The following ACBD6 variants were observed in gnomAD, a reference collection of about 807,000 sequenced individuals.
The protein encoded by ACBD6 is acyl-CoA binding domain containing 6, also known as acyl-CoA-binding domain-containing protein 6.
In ACBD6, 28 loss-of-function variants were observed where a neutral mutation model predicts 37.2. The ratio of observed to expected loss-of-function variants is 0.75; its 90% CI spans 0.56 to 1.03. The LOEUF is 1.03. Among genes scored for constraint, ACBD6 ranks in the 50% least tolerant of loss-of-function variants. The pLI, the probability that ACBD6 is intolerant of heterozygous loss-of-function variation, is 0.00. For synonymous variants in ACBD6, 113 were observed against 126.8 expected, an observed-to-expected ratio of 0.89 and a Z score of 0.73; for missense variants, 340 against 337.4, an observed-to-expected ratio of 1.01 and a Z score of -0.06.
At chr1:180,310,342 A>G (rs1483331328) in intron 7 of ACBD6, among the ~76,000 whole-genome samples, 1 of 152,204 alleles carries the variant, frequency 6.6e-6, no homozygotes, top group East Asian at 1.9e-4. Context: ...CCTGGGCGAC[A>G]AGAGTGAAAC....
At chr1:180,470,791 TC>T (rs1366964948) in intron 3 of ACBD6, among the ~76,000 whole-genome samples, 1 of 152,152 alleles carries the variant, frequency 6.6e-6, no homozygotes, top group Non-Finnish European at 1.5e-5. Flanking sequence ...CATTAAGAGG[TC>T]ACTTTGTTTG....
intron 6 of ACBD6, among the ~76,000 whole-genome samples, chr1:180,366,852 T>C (rs1653072921): frequency 6.6e-6 from 1 of 152,174 alleles, no homozygotes; most frequent in Non-Finnish European, 1.5e-5. Context: ...CCGATAGCTA[T>C]GAATTCTAGA....
chr1:180,270,409 T>G (rs183550192), exon 14 of ACBD6: 16 of 152,368 alleles, frequency 1.1e-4, no homozygotes, highest in African/African-American at 3.8e-4. Context: ...TTATTCCGTG[T>G]GTCCTCCAGG....
intron 6 of ACBD6, among the ~76,000 whole-genome samples, chr1:180,349,641 G>T (rs1204933867): frequency 6.6e-6 from 1 of 151,990 alleles, no homozygotes; most frequent in Non-Finnish European, 1.5e-5. Context: ...ACTAAAGTTA[G>T]CTTTTAAAAA....
chr1:180,495,947 T>G (rs1004427169), intron 1 of ACBD6, among the ~76,000 whole-genome samples: 1 of 152,172 alleles, frequency 6.6e-6, no homozygotes, highest in Non-Finnish European at 1.5e-5. Context: ...TTCATGCTGA[T>G]TCTCATAACG....
intron 3 of ACBD6, among the ~76,000 whole-genome samples, chr1:180,465,145 C>T (rs1034840221): frequency 3.3e-5 from 5 of 152,056 alleles, no homozygotes; most frequent in African/African-American, 9.7e-5. Context: ...AAACCAAAAG[C>T]GATTGCAACG....
At chr1:180,366,119 A>C (rs1164192300) in intron 6 of ACBD6, among the ~76,000 whole-genome samples, 2 of 152,214 alleles carry the variant, frequency 1.3e-5, no homozygotes, top group African/African-American at 4.8e-5. Flanking sequence ...GCACATACTT[A>C]TTTAAATAGT....
At chr1:180,329,623 G>A (rs931179542) in intron 6 of ACBD6, among the ~76,000 whole-genome samples, 6 of 152,108 alleles carry the variant, frequency 3.9e-5, no homozygotes, top group African/African-American at 1.4e-4. Context: ...AACTTTTGGG[G>A]AGCATTTCTA....
At chr1:180,350,900 G>A (rs760243675) in intron 6 of ACBD6, among the ~76,000 whole-genome samples, 1 of 152,136 alleles carries the variant, frequency 6.6e-6, no homozygotes, top group Non-Finnish European at 1.5e-5. Context: ...CAGATAGTAA[G>A]CGATGTCAGG....
At chr1:180,338,597 C>T (rs1214486166) in intron 6 of ACBD6, among the ~76,000 whole-genome samples, 1 of 152,164 alleles carries the variant, frequency 6.6e-6, no homozygotes, top group African/African-American at 2.4e-5. Context: ...CTAGGCAATA[C>T]CATTCAGGAC....
At chr1:180,299,685 C>T (rs886338808) in intron 7 of ACBD6, among the ~76,000 whole-genome samples, 67 of 152,170 alleles carry the variant, frequency 4.4e-4, no homozygotes, top group African/African-American at 1.6e-3. Flanking sequence ...GATACAAAGC[C>T]TGCCCACTCT....
intron 4 of ACBD6, among the ~76,000 whole-genome samples, chr1:180,417,865 C>A (rs1648163479): frequency 6.6e-6 from 1 of 152,110 alleles, no homozygotes; most frequent in Non-Finnish European, 1.5e-5. Flanking sequence ...AATATTACTT[C>A]TTTGTAGGAA....
intron 7 of ACBD6, among the ~76,000 whole-genome samples, chr1:180,293,112 T>C (rs79065578): frequency 0.02 from 2,994 of 152,228 alleles, 100 homozygotes; most frequent in African/African-American, 0.067. Flanking sequence ...ATTTACTAGG[T>C]TCAATTTGCT....
rs1651538931 is a variant in ACBD6, at chr1:180,492,374, T to C, written c.288-9A>G. On this transcript the variant is annotated splice_polypyrimidine_tract_variant and intron_variant, in intron 2 of 7. Coordinates refer to ENST00000367595, the MANE Select transcript of ACBD6 (RefSeq NM_032360.4). ...GTGCTTTCCAAGCTTCCCTACAATATGGAATATCCAAAATGGCCTGTCATT... is the reference window on the plus strand; with the variant it reads ...GTGCTTTCCAAGCTTCCCTACAATACGGAATATCCAAAATGGCCTGTCATT... 6.2e-7 allele frequency: 1 copy of C among 1,610,574 alleles called. No individual in the cohort carries two copies. Among genetic ancestry groups the C allele is most frequent in the Non-Finnish European group, 8.5e-7 (1 of 1,176,884 alleles).
chr1:180,472,527 TGTGCGGGG>T (rs141072302), intron 3 of ACBD6, among the ~76,000 whole-genome samples: 29 of 152,272 alleles, frequency 1.9e-4, no homozygotes, highest in African/African-American at 5.5e-4. Flanking sequence ...TGGTTGTGTG[TGTGCGGGG>T]GTGCGGGTGT....
intron 3 of ACBD6, among the ~76,000 whole-genome samples, chr1:180,470,616 C>T (rs1650525719): frequency 1.3e-5 from 2 of 152,182 alleles, no homozygotes; most frequent in Admixed American, 6.5e-5. Context: ...ATATTTCAAA[C>T]AGTGCCTAGA....
intron 3 of ACBD6, among the ~76,000 whole-genome samples, chr1:180,448,649 A>G (rs1013728847): frequency 6.6e-6 from 1 of 152,164 alleles, no homozygotes; most frequent in Non-Finnish European, 1.5e-5. Flanking sequence ...AGAGAACGTT[A>G]CCATGAACCT....
intron 7 of ACBD6, among the ~76,000 whole-genome samples, chr1:180,291,515 GATTT>G (rs1649705705): frequency 6.6e-6 from 1 of 152,044 alleles, no homozygotes; most frequent in Non-Finnish European, 1.5e-5. Context: ...TATCTTTGGT[GATTT>G]ATCTGTTCAA....
intron 6 of ACBD6, among the ~76,000 whole-genome samples, chr1:180,337,770 A>C (rs1030523924): frequency 3.3e-5 from 5 of 152,242 alleles, no homozygotes; most frequent in African/African-American, 1.2e-4. Flanking sequence ...GTCTCAGCCC[A>C]AAATCTCCTT....
Sources: gnomAD v4.1 joint callset for allele counts (sites outside exome capture counted in the v4.1 genomes callset) on GRCh38, gnomAD v4.1.1 for gene constraint, MANE v1.5 for transcripts, NCBI Gene and HGNC (gene_info 2026-07-23, HGNC 2026-07-21) for gene names.